The following ANKRD44 variants were observed in gnomAD, a reference collection of about 807,000 sequenced individuals.
ANKRD44 encodes the protein serine/threonine-protein phosphatase 6 regulatory ankyrin repeat subunit B.
ANKRD44 carries 35 observed loss-of-function variants against 116.0 expected under a neutral mutation model. The observed-to-expected ratio is 0.30, with a 90% confidence interval of 0.23 to 0.40. The LOEUF (loss-of-function observed/expected upper bound fraction) is 0.40, where lower values mean the gene tolerates loss of function less well. Among genes scored for constraint, ANKRD44 ranks in the 10% least tolerant of loss-of-function variants. ANKRD44 has a pLI of 1.00. For synonymous variants in ANKRD44, 435 were observed against 461.8 expected (o/e 0.94, Z 0.74); for missense variants, 1,014 against 1,242.6 (o/e 0.82, Z 2.77).
chr2:197,078,038 G>T (rs1426887363), intron 16 of ANKRD44: 1 of 152,144 alleles, frequency 6.6e-6, no homozygotes, highest in Non-Finnish European at 1.5e-5. Flanking sequence ...TACAAAGAAG[G>T]TGTTAGGATA....
chr2:197,082,579 G>A (rs2077823529), intron 14 of ANKRD44, among the ~76,000 whole-genome samples: 1 of 152,098 alleles, frequency 6.6e-6, no homozygotes, highest in African/African-American at 2.4e-5. Flanking sequence ...ATGTGCATAT[G>A]GGGTCATGAC....
chr2:197,057,957 T>C (rs2077235767), intron 16 of ANKRD44, among the ~76,000 whole-genome samples: 1 of 152,246 alleles, frequency 6.6e-6, no homozygotes, highest in Non-Finnish European at 1.5e-5. Flanking sequence ...GTTGGCAGTC[T>C]TATAGAACAC....
At chr2:197,076,041 G>A (rs2125114861) in intron 16 of ANKRD44, among the ~76,000 whole-genome samples, 1 of 152,278 alleles carries the variant, frequency 6.6e-6, no homozygotes, top group East Asian at 1.9e-4. Flanking sequence ...TGGACCGGTA[G>A]TGAAGGCCAG....
At chr2:197,035,658 G>A (rs1487208569) in intron 16 of ANKRD44, among the ~76,000 whole-genome samples, 1 of 152,136 alleles carries the variant, frequency 6.6e-6, no homozygotes, top group African/African-American at 2.4e-5. Context: ...GTTGGTGCCT[G>A]TGTCACAAAG....
intron 8 of ANKRD44, among the ~76,000 whole-genome samples, chr2:197,115,799 G>A (rs987956989): frequency 2.0e-5 from 3 of 152,148 alleles, no homozygotes; most frequent in African/African-American, 7.2e-5. Context: ...AGACAGGATG[G>A]CTCTATGGAA....
chr2:196,993,791 G>A (rs2075962948), intron 26 of ANKRD44, 117 bp from the exon 27 acceptor site: 1 of 770,866 alleles, frequency 1.3e-6, no homozygotes, highest in Non-Finnish European at 2.1e-6. Flanking sequence ...ATAGTACATG[G>A]ATGTTTTTAC....
At chr2:197,030,655 G>A (rs1028477927) in intron 16 of ANKRD44, among the ~76,000 whole-genome samples, 1 of 152,100 alleles carries the variant, frequency 6.6e-6, no homozygotes, top group Non-Finnish European at 1.5e-5. Flanking sequence ...GCTTATTTCT[G>A]GAGGCCCACC....
chr2:197,230,123 G>A (rs777157864), intron 1 of ANKRD44, among the ~76,000 whole-genome samples: 7 of 152,088 alleles, frequency 4.6e-5, no homozygotes, highest in Non-Finnish European at 7.3e-5. Flanking sequence ...GGGATGCACT[G>A]TCTGTGTTTA....
At chr2:197,024,346 T>C (rs1306526425) in intron 17 of ANKRD44, among the ~76,000 whole-genome samples, 1 of 152,224 alleles carries the variant, frequency 6.6e-6, no homozygotes, top group Non-Finnish European at 1.5e-5. Flanking sequence ...AAACACCATC[T>C]TTGTGGCCTT....
At chr2:197,081,050 G>A (rs1039783695) in intron 15 of ANKRD44, among the ~76,000 whole-genome samples, 1 of 152,186 alleles carries the variant, frequency 6.6e-6, no homozygotes, top group African/African-American at 2.4e-5. Flanking sequence ...AGGTTCCCGT[G>A]CATCTACAGC....
At chr2:197,043,381 A>T (rs12693804) in intron 16 of ANKRD44, among the ~76,000 whole-genome samples, 105,202 of 151,528 alleles carry the variant, frequency 0.69, 36,932 homozygotes, top group East Asian at 0.86. Context: ...CTTTTTAAAA[A>T]TTTTTTGTAG....
chr2:197,010,598 C>T (rs1033975391), intron 18 of ANKRD44, among the ~76,000 whole-genome samples: 1 of 152,008 alleles, frequency 6.6e-6, no homozygotes, highest in South Asian at 2.1e-4. Flanking sequence ...GTGATGATAA[C>T]CTCAGGGTAA....
At chr2:197,013,485 G>A in intron 18 of ANKRD44, 26 bp downstream of exon 18, 1 of 1,609,260 alleles carries the variant, frequency 6.2e-7, no homozygotes, top group Non-Finnish European at 8.5e-7. Context: ...CAAAACTAGG[G>A]TAATCAGGCC....
At chr2:197,254,765 CAT>C (rs58681709) in intron 1 of ANKRD44, among the ~76,000 whole-genome samples, 35,650 of 151,490 alleles carry the variant, frequency 0.24, 4,354 homozygotes, top group African/African-American at 0.3. Context: ...CACACACACA[CAT>C]ATATATATAT....
intron 16 of ANKRD44, chr2:197,028,792 G>A: frequency 4.6e-6 from 1 of 215,150 alleles, no homozygotes; most frequent in Admixed American, 5.8e-5. Flanking sequence ...CGGTAGTGCT[G>A]CCTTTTTTCC....
chr2:197,287,274 G>C (rs1405545534), intron 1 of ANKRD44, among the ~76,000 whole-genome samples: 2 of 152,048 alleles, frequency 1.3e-5, no homozygotes, highest in Non-Finnish European at 2.9e-5. Flanking sequence ...TTTTAAAAAA[G>C]TATACCTTCT....
intron 21 of ANKRD44, among the ~76,000 whole-genome samples, chr2:196,973,354 AT>A (rs1350098638): frequency 3.3e-5 from 5 of 152,056 alleles, no homozygotes; most frequent in African/African-American, 1.2e-4. Flanking sequence ...TTAAACTATC[AT>A]TTTTATTAAA....
chr2:197,015,749 A>C, intron 17 of ANKRD44: 1 of 490,310 alleles, frequency 2.0e-6, no homozygotes, highest in Non-Finnish European at 3.8e-6. Flanking sequence ...AGAGGGGGCT[A>C]TGGTGGTGGT....
intron 24 of ANKRD44, 102 bp downstream of exon 24, chr2:196,998,805 T>A: frequency 6.7e-7 from 1 of 1,482,312 alleles, no homozygotes; most frequent in South Asian, 1.4e-5. Context: ...CTAATGGCCC[T>A]TTTCCACGTG....
Sources: gnomAD v4.1 joint callset for allele counts (sites outside exome capture counted in the v4.1 genomes callset) on GRCh38, gnomAD v4.1.1 for gene constraint, MANE v1.5 for transcripts, NCBI Gene and HGNC (gene_info 2026-07-23, HGNC 2026-07-21) for gene names.